TRIM2: variants seen among roughly 807,000 people sequenced by gnomAD.
TRIM2 encodes the protein tripartite motif-containing protein 2.
A neutral mutation model predicts 75.2 loss-of-function variants in TRIM2; 20 were observed. The ratio of observed to expected loss-of-function variants is 0.27; its 90% CI spans 0.19 to 0.39. The LOEUF is 0.39. Among genes scored for constraint, TRIM2 ranks in the 10% least tolerant of loss-of-function variants. TRIM2 has a pLI of 1.00. For synonymous variants in TRIM2, 373 were observed against 388.3 expected, an observed-to-expected ratio of 0.96 and a Z score of 0.46; for missense variants, 660 against 990.8, an observed-to-expected ratio of 0.67 and a Z score of 4.48.
intron 11 of TRIM2, 37 bp downstream of exon 11, chr4:153,328,707 T>C (rs748867740): frequency 6.6e-7 from 1 of 1,520,302 alleles, no homozygotes. Flanking sequence ...TTAGAGTGTT[T>C]GGTATTTGTT....
intron 11 of TRIM2, among the ~76,000 whole-genome samples, chr4:153,332,822 A>G (rs1247358879): frequency 6.6e-6 from 1 of 152,206 alleles, no homozygotes; most frequent in Non-Finnish European, 1.5e-5. Context: ...AATAATGCCA[A>G]ATGCTGGAGA....
intron 4 of TRIM2, 144 bp from the exon 5 acceptor site, chr4:153,294,161 A>T (rs1185248794): frequency 2.5e-6 from 2 of 809,526 alleles, no homozygotes; most frequent in Non-Finnish European, 3.8e-6. Flanking sequence ...TAATTATGTC[A>T]TATCTTATTC....
upstream of TRIM2, chr4:153,152,206 T>G (rs1348060407): frequency 6.6e-6 from 1 of 151,972 alleles, no homozygotes; most frequent in Non-Finnish European, 1.5e-5. Flanking sequence ...TAAGTCGCAG[T>G]TGTCAAGGGA....
intron 1 of TRIM2, among the ~76,000 whole-genome samples, chr4:153,161,326 G>T (rs1048714658): frequency 6.6e-6 from 1 of 152,178 alleles, no homozygotes; most frequent in Non-Finnish European, 1.5e-5. Context: ...TGAATTGAAC[G>T]TACGTGCTAT....
intron 1 of TRIM2, among the ~76,000 whole-genome samples, chr4:153,253,940 C>A (rs1751450862): frequency 6.6e-6 from 1 of 152,140 alleles, no homozygotes; most frequent in South Asian, 2.1e-4. Flanking sequence ...TCTTTTATTC[C>A]TTTACTTTAT....
At chr4:153,268,094 G>A (rs1755733022) in intron 1 of TRIM2, among the ~76,000 whole-genome samples, 1 of 152,180 alleles carries the variant, frequency 6.6e-6, no homozygotes, top group Non-Finnish European at 1.5e-5. Context: ...GTTCCTGGGT[G>A]GGATCACGGA....
intron 1 of TRIM2, among the ~76,000 whole-genome samples, chr4:153,220,379 A>G (rs1441265716): frequency 6.6e-6 from 1 of 152,212 alleles, no homozygotes; most frequent in East Asian, 1.9e-4. Flanking sequence ...GACACAGTGC[A>G]TCTGTGAGTG....
At chr4:153,177,745 C>CCTTCCTTCCTTT (rs1399260662) in intron 1 of TRIM2, among the ~76,000 whole-genome samples, 1 of 151,156 alleles carries the variant, frequency 6.6e-6, no homozygotes, top group Non-Finnish European at 1.5e-5. Context: ...TTCCTTCCTT[C>CCTTCCTTCCTTT]CTTCCTTCTT....
Position 153,266,366 on chromosome 4 carries a change from C to T in TRIM2, c.31-3969C>T, listed in dbSNP as rs1284968787. Among the ~76,000 whole-genome samples the T allele has an allele frequency of 8.8e-5, 10 of 113,902 alleles. 1 individual carries two copies. Among genetic ancestry groups the T allele is most frequent in the East Asian group, 2.2e-4 (1 of 4,456 alleles). The allele number at this position is 113,902 out of a possible 152,430, so 74.7% of individuals were successfully genotyped here. On this transcript the variant is annotated intron_variant, in intron 1 of 11. Coordinates refer to ENST00000338700, the MANE Select transcript of TRIM2 (RefSeq NM_015271.5). ...TGGGTTTTTTTTTTTTTTTTTGAGA[C>T]GGAGTCTGACTCTGTCACCAGGCTG...
chr4:153,256,244 G>C (rs1206116718), intron 1 of TRIM2, among the ~76,000 whole-genome samples: 1 of 152,120 alleles, frequency 6.6e-6, no homozygotes, highest in East Asian at 1.9e-4. Flanking sequence ...GCATTTCTGG[G>C]GTCTGTCAAT....
chr4:153,282,602 TTTTA>T (rs1188504777), intron 3 of TRIM2, among the ~76,000 whole-genome samples: 6 of 152,052 alleles, frequency 3.9e-5, no homozygotes, highest in Non-Finnish European at 8.8e-5. Flanking sequence ...ATTTCAACAA[TTTTA>T]TTTGTTTGTT....
At chr4:153,241,053 A>G (rs910648080) in intron 1 of TRIM2, among the ~76,000 whole-genome samples, 2 of 152,158 alleles carry the variant, frequency 1.3e-5, no homozygotes, top group African/African-American at 4.8e-5. Context: ...CTCCAGCCTG[A>G]GTGACAGAGC....
chr4:153,152,407 TGTATATATATATATATATATATACACAC>T (rs1454758696), upstream of TRIM2: 1 of 24,998 alleles, frequency 4.0e-5, no homozygotes, highest in Non-Finnish European at 2.2e-4. Flanking sequence ...TATATATGTG[TGTATATATATATATATATATATACACAC>T]ATATATATAT....
At chr4:153,293,798 G>T (rs1762275871) in intron 4 of TRIM2, among the ~76,000 whole-genome samples, 1 of 152,218 alleles carries the variant, frequency 6.6e-6, no homozygotes, top group Admixed American at 6.5e-5. Flanking sequence ...TTGGATAAAT[G>T]TTTTATGTGG....
At chr4:153,282,803 G>A (rs4696452) in intron 3 of TRIM2, among the ~76,000 whole-genome samples, 60,814 of 147,218 alleles carry the variant, frequency 0.41, 14,599 homozygotes, top group African/African-American at 0.69. Flanking sequence ...TTTTTTTTTT[G>A]GAGACAAAAA....
chr4:153,235,709 GCTT>G (rs1744854701), intron 1 of TRIM2, among the ~76,000 whole-genome samples: 1 of 152,168 alleles, frequency 6.6e-6, no homozygotes, highest in Non-Finnish European at 1.5e-5. Flanking sequence ...TCTTTCTAGA[GCTT>G]CTTACAGACC....
intron 11 of TRIM2, among the ~76,000 whole-genome samples, chr4:153,333,277 T>C (rs1771897270): frequency 6.6e-6 from 1 of 152,058 alleles, no homozygotes; most frequent in Non-Finnish European, 1.5e-5. Flanking sequence ...ATAACAAAAT[T>C]ATAGAGAAGG....
At chr4:153,310,467 A>G (rs180863143) in intron 6 of TRIM2, among the ~76,000 whole-genome samples, 1 of 152,350 alleles carries the variant, frequency 6.6e-6, no homozygotes, top group Admixed American at 6.5e-5. Flanking sequence ...AAACACTTGA[A>G]CATTGCAGCA....
chr4:153,200,724 A>ATAT (rs1553961906), upstream of TRIM2, among the ~76,000 whole-genome samples: 16 of 138,142 alleles, frequency 1.2e-4, no homozygotes, highest in African/African-American at 1.9e-4. Context: ...AAGAAAAAAA[A>ATAT]ATATATATAT....
Sources: allele counts gnomAD v4.1 joint callset (sites outside exome capture counted in the v4.1 genomes callset), GRCh38; gene constraint gnomAD v4.1.1; transcripts MANE v1.5; gene names NCBI Gene and HGNC (gene_info 2026-07-23, HGNC 2026-07-21).